Variants in PRRX1 observed in about 807,000 individuals in gnomAD.
The protein encoded by PRRX1 is paired mesoderm homeobox protein 1.
In PRRX1, 8 loss-of-function variants were observed where a neutral mutation model predicts 24.0. That is an observed-to-expected ratio of 0.33 (90% confidence interval 0.20 to 0.60). The LOEUF (loss-of-function observed/expected upper bound fraction) is 0.60, where lower values mean the gene tolerates loss of function less well. Among genes scored for constraint, PRRX1 ranks in the 20% least tolerant of loss-of-function variants. PRRX1 has a pLI of 0.82. For missense variants in PRRX1, 281 were observed against 322.4 expected, an observed-to-expected ratio of 0.87 and a Z score of 0.98; for synonymous variants, 160 against 131.7, an observed-to-expected ratio of 1.22 and a Z score of -1.47.
At chr1:170,715,161 C>T (rs1571341176) in intron 1 of PRRX1, among the ~76,000 whole-genome samples, 1 of 152,222 alleles carries the variant, frequency 6.6e-6, no homozygotes, top group East Asian at 1.9e-4. Flanking sequence ...AGAATTTTTC[C>T]TCTGTGGGTA....
At chr1:170,693,289 A>G (rs934219630) in intron 1 of PRRX1, among the ~76,000 whole-genome samples, 2 of 152,142 alleles carry the variant, frequency 1.3e-5, no homozygotes, top group Non-Finnish European at 2.9e-5. Flanking sequence ...GGTTCTAAAT[A>G]TACTATAAAG....
intron 1 of PRRX1, among the ~76,000 whole-genome samples, chr1:170,703,364 A>C (rs1654454755): frequency 6.6e-6 from 1 of 151,694 alleles, no homozygotes; most frequent in Non-Finnish European, 1.5e-5. Flanking sequence ...CATCTGCAAG[A>C]CCTCCTAGTG....
intron 1 of PRRX1, among the ~76,000 whole-genome samples, chr1:170,694,107 C>G (rs1285502904): frequency 1.3e-5 from 2 of 151,976 alleles, no homozygotes; most frequent in Non-Finnish European, 2.9e-5. Flanking sequence ...GAGTCCAAAC[C>G]CCAGGTGCAA....
At chr1:170,726,891 A>G (rs1655275069) in intron 3 of PRRX1, 1 of 155,680 alleles carries the variant, frequency 6.4e-6, no homozygotes. Flanking sequence ...AAGAAAGGAA[A>G]GAAGGAAGGA....
intron 1 of PRRX1, among the ~76,000 whole-genome samples, chr1:170,709,583 T>A (rs1654679112): frequency 6.6e-6 from 1 of 152,168 alleles, no homozygotes; most frequent in African/African-American, 2.4e-5. Flanking sequence ...TGGAATATTT[T>A]TTTTTTCTAC....
At chr1:170,672,357 A>C (rs1415834897) in intron 1 of PRRX1, among the ~76,000 whole-genome samples, 3 of 152,236 alleles carry the variant, frequency 2.0e-5, no homozygotes, top group Non-Finnish European at 1.5e-5. Flanking sequence ...GATGGTTAAT[A>C]CATACTTTCC....
chr1:170,731,088 A>G (rs1655422612), intron 3 of PRRX1, among the ~76,000 whole-genome samples: 1 of 152,228 alleles, frequency 6.6e-6, no homozygotes, highest in African/African-American at 2.4e-5. Context: ...TTCAAAACAG[A>G]AGTTAGAAAT....
At chr1:170,728,221 T>C (rs1461118441) in intron 3 of PRRX1, 1 of 152,226 alleles carries the variant, frequency 6.6e-6, no homozygotes, top group Non-Finnish European at 1.5e-5. Flanking sequence ...CCTGAATTAA[T>C]ATAGGGTTAT....
intron 1 of PRRX1, among the ~76,000 whole-genome samples, chr1:170,685,155 T>C (rs1183559398): frequency 6.6e-6 from 1 of 152,250 alleles, no homozygotes; most frequent in African/African-American, 2.4e-5. Flanking sequence ...ATTTGAGGTT[T>C]ATCTCTTCTT....
chr1:170,721,256 A>C (rs900839199), intron 2 of PRRX1, among the ~76,000 whole-genome samples: 1 of 152,210 alleles, frequency 6.6e-6, no homozygotes, highest in African/African-American at 2.4e-5. Context: ...TGCTGTTTTG[A>C]TAAGGTGGGT....
At chr1:170,666,770 G>A (rs1281104475) in intron 1 of PRRX1, among the ~76,000 whole-genome samples, 1 of 152,148 alleles carries the variant, frequency 6.6e-6, no homozygotes, top group African/African-American at 2.4e-5. Flanking sequence ...AATTGTACCG[G>A]TTGTTTGGCT....
rs140895653 is a variant in PRRX1, at chr1:170,725,187, C to T, written c.418-1033C>T. ...AGCTTAAGAAGTTTTTGGGGTGAGACGATAGGGTTTTCTAGATACAGGATC... is the reference window on the plus strand; with the variant it reads ...AGCTTAAGAAGTTTTTGGGGTGAGATGATAGGGTTTTCTAGATACAGGATC... On this transcript the variant is annotated intron_variant, in intron 2 of 3. Transcript: ENST00000239461. Among the ~76,000 whole-genome samples the T allele has an allele frequency of 3.5e-3, 526 of 152,122 alleles. 5 individuals carry two copies. The highest frequency in any genetic ancestry group is 0.01 in the African/African-American group (433 of 41,484).
In PRRX1 at chr1:170,664,308, G is replaced by A. The variant is rs1285851729; in HGVS notation, c.90G>A (p.Ala30=). Residue 30 remains alanine (A), a synonymous_variant, in exon 1 of 4, where the codon GCG becomes GCA. Transcript: ENST00000239461. ...CGGGCAACCTCGACACCCTGCAGGC[G>A]AAAAAGAACTTCTCCGTCAGTCACC... is the stretch of plus-strand genomic sequence containing the variant. ...DSPGNLDTLQ[A]KKNFSVSHLL... 1.9e-6 allele frequency: 3 copies of A among 1,613,664 alleles called. No homozygotes were observed. Among genetic ancestry groups the A allele is most frequent in the Non-Finnish European group, 2.5e-6 (3 of 1,179,890 alleles).
At chr1:170,689,273 T>C (rs1455422834) in intron 1 of PRRX1, among the ~76,000 whole-genome samples, 1 of 152,174 alleles carries the variant, frequency 6.6e-6, no homozygotes, top group Admixed American at 6.5e-5. Context: ...AGACTCTTTC[T>C]GTGGAGCTGT....
intron 1 of PRRX1, among the ~76,000 whole-genome samples, chr1:170,702,450 T>G (rs949704893): frequency 9.9e-5 from 15 of 152,128 alleles, no homozygotes; most frequent in Non-Finnish European, 5.9e-5. Context: ...TTTTAAGAAG[T>G]GGGTTTGTCG....
chr1:170,729,771 G>T (rs938964163), intron 3 of PRRX1, among the ~76,000 whole-genome samples: 1 of 152,196 alleles, frequency 6.6e-6, no homozygotes, highest in Non-Finnish European at 1.5e-5. Context: ...CACGGACACT[G>T]TTGTCCTGGC....
chr1:170,692,947 T>G (rs1036702292), intron 1 of PRRX1, among the ~76,000 whole-genome samples: 1 of 152,104 alleles, frequency 6.6e-6, no homozygotes, highest in Non-Finnish European at 1.5e-5. Context: ...CTTATTGCTT[T>G]TCATCATGAA....
At chr1:170,686,547 T>G (rs1026099784) in intron 1 of PRRX1, among the ~76,000 whole-genome samples, 2 of 152,234 alleles carry the variant, frequency 1.3e-5, no homozygotes, top group Admixed American at 6.5e-5. Context: ...ATTCTAGCCT[T>G]AGGGGGTAGC....
At chr1:170,690,224 CT>C (rs1159517546) in intron 1 of PRRX1, among the ~76,000 whole-genome samples, 1 of 151,954 alleles carries the variant, frequency 6.6e-6, no homozygotes, top group East Asian at 1.9e-4. Context: ...TCCGTGCCCC[CT>C]ATGAGCTTAT....
Sources: allele counts gnomAD v4.1 joint callset (sites outside exome capture counted in the v4.1 genomes callset), GRCh38; gene constraint gnomAD v4.1.1; transcripts MANE v1.5; gene names NCBI Gene and HGNC (gene_info 2026-07-23, HGNC 2026-07-21).